The following PRKAR1B variants were observed in gnomAD, a reference collection of about 807,000 sequenced individuals.
PRKAR1B encodes protein kinase cAMP-dependent type I regulatory subunit beta.
In PRKAR1B, 22 loss-of-function variants were observed where a neutral mutation model predicts 46.5. The observed-to-expected ratio is 0.47, with a 90% CI of 0.34 to 0.68. The LOEUF is 0.68. Among genes scored for constraint, PRKAR1B ranks in the 30% least tolerant of loss-of-function variants. The probability of loss-of-function intolerance (pLI) is 0.01; values close to 1 mark genes in which losing one functional copy is unlikely to be tolerated. For synonymous variants in PRKAR1B, 259 were observed against 217.7 expected, an observed-to-expected ratio of 1.19 and a Z score of -1.67; for missense variants, 445 against 535.6, an observed-to-expected ratio of 0.83 and a Z score of 1.67.
At chr7:660,933 C>A (rs1361453231) in intron 4 of PRKAR1B, among the ~76,000 whole-genome samples, 13 of 129,930 alleles carry the variant, frequency 1.0e-4, no homozygotes, top group Non-Finnish European at 2.0e-4. Context: ...AGGTCCCCAA[C>A]CCAACGGGTC....
intron 1 of PRKAR1B, chr7:726,869 TG>T: frequency 7.6e-7 from 1 of 1,320,574 alleles, no homozygotes; most frequent in Non-Finnish European, 9.6e-7. Context: ...CGGCGCGCCT[TG>T]GAGGCCCTGC....
At chr7:637,771 T>A (rs1466198273) in intron 4 of PRKAR1B, among the ~76,000 whole-genome samples, 1 of 151,998 alleles carries the variant, frequency 6.6e-6, no homozygotes, top group African/African-American at 2.4e-5. Context: ...AGGTGGAGGT[T>A]GCAGTGAGCC....
intron 4 of PRKAR1B, among the ~76,000 whole-genome samples, chr7:613,429 A>C (rs1354971919): frequency 6.6e-6 from 1 of 152,142 alleles, no homozygotes. Context: ...TAGACTTTAA[A>C]ACACAAAAAT....
At chr7:680,005 A>C (rs1442737221) in intron 3 of PRKAR1B, among the ~76,000 whole-genome samples, 1 of 151,948 alleles carries the variant, frequency 6.6e-6, no homozygotes, top group Non-Finnish European at 1.5e-5. Flanking sequence ...AAAAATACAA[A>C]AAATTAGCTG....
rs1222524922 is a variant in PRKAR1B at position 711,530 on chromosome 7, G to T, written c.-22-3C>A. The T allele has an allele frequency of 5.6e-6, 9 of 1,609,642 alleles. No homozygotes were observed. The highest frequency in any genetic ancestry group is 7.6e-6 in the Non-Finnish European group (9 of 1,177,742). ...TGGCGAGGGTGGCTGCTTCCTTCCTGTCCAGAAAACACACAGATCCCCAGG... is the reference window on the plus strand; with the variant it reads ...TGGCGAGGGTGGCTGCTTCCTTCCTTTCCAGAAAACACACAGATCCCCAGG... On this transcript the variant is annotated splice_polypyrimidine_tract_variant and splice_region_variant and intron_variant, in intron 1 of 10. Transcript: ENST00000537384.
rs1052765414 is a variant in PRKAR1B at position 550,106 on chromosome 7, A to G, written c.*324T>C. On this transcript the variant is annotated 3_prime_UTR_variant, in exon 11 of 11. Coordinates refer to ENST00000537384, the MANE Select transcript of PRKAR1B (RefSeq NM_001164760.2). Reference sequence around the variant, plus strand: ...CTGGTTCTGGGGAGGACCGATCCTCAAGCATCTCCAGGAGACTGGCAGGGG... The same window carrying G: ...CTGGTTCTGGGGAGGACCGATCCTCGAGCATCTCCAGGAGACTGGCAGGGG... 2.2e-4 allele frequency: 76 copies of G among 345,888 alleles called. No homozygotes were observed. Among genetic ancestry groups the G allele is most frequent in the African/African-American group, 1.6e-3 (73 of 46,244 alleles). The allele number at this position is 345,888 out of a possible 1,614,324, so 21.4% of individuals were successfully genotyped here. A position where few individuals can be genotyped will look rare whatever the true frequency, so the allele number is the denominator to read the frequency against.
chr7:709,659 T>C (rs1163188442), intron 2 of PRKAR1B, among the ~76,000 whole-genome samples: 2 of 152,066 alleles, frequency 1.3e-5, no homozygotes, highest in African/African-American at 2.4e-5. Context: ...CGTGAGCCAC[T>C]GCACCCAGCC....
At position 602,352 on chromosome 7, in the gene PRKAR1B, C is replaced by T. The variant is rs918027650; in HGVS notation, c.549+3841G>A. ...GAGATGCCTCACTGAGTCCAGAGGT[C>T]GAGGGGTGGGTGGGGATTCTGCGAG... On this transcript the variant is annotated intron_variant, in intron 6 of 10. Coordinates refer to ENST00000537384, the MANE Select transcript of PRKAR1B (RefSeq NM_001164760.2). This position sits in a 1 kb window ranked among gnomAD's most constrained non-coding sequence, Gnocchi z 6.4. Among the ~76,000 whole-genome samples, 22 of 151,210 alleles carry T rather than the reference C, an allele frequency of 1.5e-4. No individual in the cohort carries two copies. Among genetic ancestry groups the T allele is most frequent in the Non-Finnish European group, 2.7e-4 (18 of 67,786 alleles).
intron 7 of PRKAR1B, among the ~76,000 whole-genome samples, chr7:588,694 TG>T (rs1409059457): frequency 2.5e-5 from 1 of 39,726 alleles, no homozygotes; most frequent in Admixed American, 2.4e-4. Context: ...ATGGTGATGG[TG>T]GTGATGGTGA....
At position 714,596 on chromosome 7, in the gene PRKAR1B, C is replaced by A. The variant is rs1421390677; in HGVS notation, c.-22-3069G>T. On this transcript the variant is annotated intron_variant, in intron 1 of 10. Transcript: ENST00000537384. The surrounding 1 kb of genome is among the most constrained non-coding windows in gnomAD (Gnocchi z 4.3). ...ATCCCTGTTCCAGTGGCCCCCACCC[C>A]ACACAAGGACTCCCTCTCCAGACTG... Among the ~76,000 whole-genome samples the A allele has an allele frequency of 2.6e-5, 4 of 152,250 alleles. No individual in the cohort carries two copies. Among genetic ancestry groups the A allele is most frequent in the African/African-American group, 9.6e-5 (4 of 41,464 alleles).
intron 9 of PRKAR1B, among the ~76,000 whole-genome samples, chr7:566,396 C>CCATCAT (rs1299130670): frequency 5.0e-4 from 1 of 1,996 alleles, no homozygotes; most frequent in African/African-American, 1.9e-3. Context: ...ACCACCATCA[C>CCATCAT]CACCACTTCC....
chr7:618,407 G>A (rs566572047), intron 4 of PRKAR1B, among the ~76,000 whole-genome samples: 6 of 152,076 alleles, frequency 3.9e-5, no homozygotes, highest in African/African-American at 1.4e-4. Flanking sequence ...TAGCCCTCTC[G>A]GTCTGTGGGC....
intron 7 of PRKAR1B, among the ~76,000 whole-genome samples, chr7:594,736 T>C (rs1781171853): frequency 6.7e-6 from 1 of 148,896 alleles, no homozygotes; most frequent in East Asian, 2.0e-4. Context: ...TCCCAAACCA[T>C]AAGGGGACCC....
chr7:645,296 G>C (rs1243744262), intron 4 of PRKAR1B, among the ~76,000 whole-genome samples: 1 of 152,144 alleles, frequency 6.6e-6, no homozygotes, highest in Non-Finnish European at 1.5e-5. Context: ...AGGTGTTTCT[G>C]AGCCAGGCTG....
At chr7:579,216 A>G in intron 9 of PRKAR1B, 40 bp downstream of exon 9, 1 of 1,613,528 alleles carries the variant, frequency 6.2e-7, no homozygotes, top group Non-Finnish European at 8.5e-7. Context: ...CCCCTGCCCC[A>G]GTGCACACCC....
chr7:691,527 A>G, intron 2 of PRKAR1B: 1 of 1,304,466 alleles, frequency 7.7e-7, no homozygotes, highest in Non-Finnish European at 1.0e-6. Context: ...TGAAGAGGAG[A>G]GCTGGGCATT....
At chr7:705,701 G>A (rs1025478683) in intron 2 of PRKAR1B, among the ~76,000 whole-genome samples, 7 of 152,096 alleles carry the variant, frequency 4.6e-5, no homozygotes, top group African/African-American at 1.4e-4. Flanking sequence ...GAACACTGCC[G>A]GCAATAAAAA....
chr7:662,416 C>A (rs1003204014), intron 4 of PRKAR1B, among the ~76,000 whole-genome samples: 1 of 123,550 alleles, frequency 8.1e-6, no homozygotes, highest in Non-Finnish European at 1.7e-5. Context: ...CCCATCCCAA[C>A]GGGTCCAAAT....
chr7:604,612 G>C (rs1363575596), intron 6 of PRKAR1B, among the ~76,000 whole-genome samples: 1 of 152,222 alleles, frequency 6.6e-6, no homozygotes, highest in Non-Finnish European at 1.5e-5. Flanking sequence ...GTCATTTCCT[G>C]TGCTATCAGC....
Sources: gnomAD v4.1 joint callset for allele counts (sites outside exome capture counted in the v4.1 genomes callset) on GRCh38, gnomAD v4.1.1 for gene constraint, Gnocchi (gnomAD v3.1) non-coding constraint, MANE v1.5 for transcripts, NCBI Gene and HGNC (gene_info 2026-07-23, HGNC 2026-07-21) for gene names.